PPTC7: variants seen among roughly 807,000 people sequenced by gnomAD.
PPTC7 encodes protein phosphatase PTC7 homolog.
In PPTC7, 6 loss-of-function variants were observed where a neutral mutation model predicts 30.8. That is an observed-to-expected ratio of 0.19 (90% CI 0.11 to 0.38). The LOEUF is 0.38. Ranked by LOEUF, PPTC7 falls within the 10% of genes least tolerant of loss-of-function variation. The pLI is 1.00. For missense variants in PPTC7, 218 were observed against 404.8 expected (o/e 0.54, Z 3.96); for synonymous variants, 163 against 168.1 (o/e 0.97, Z 0.23).
rs1469454573 is a variant in PPTC7, at chr12:110,534,049, T to G, written c.*2988A>C. Reference sequence around the variant, plus strand: ...AGCAAGTACAGTAACTCAGGACAAATAACTTGTTCCCCCTGCATCCCATTT... The same window carrying G: ...AGCAAGTACAGTAACTCAGGACAAAGAACTTGTTCCCCCTGCATCCCATTT... On this transcript the variant is annotated 3_prime_UTR_variant, in exon 6 of 6. Coordinates refer to ENST00000354300, the MANE Select transcript of PPTC7 (RefSeq NM_139283.2). The G allele has an allele frequency of 6.6e-6, 1 of 152,074 alleles. No individual in the cohort carries two copies. The highest frequency in any genetic ancestry group is 2.4e-5 in the African/African-American group (1 of 41,406). The allele number at this position is 152,074 out of a possible 1,614,324, so 9.4% of individuals were successfully genotyped here. A position where few individuals can be genotyped will look rare whatever the true frequency, so the allele number is the denominator to read the frequency against.
intron 2 of PPTC7, among the ~76,000 whole-genome samples, chr12:110,548,221 T>G (rs1168797190): frequency 1.3e-5 from 2 of 152,084 alleles, no homozygotes; most frequent in African/African-American, 4.8e-5. Flanking sequence ...TATGCACACA[T>G]ACACACAGAA....
At chr12:110,551,068 C>T (rs2064346561) in intron 2 of PPTC7, among the ~76,000 whole-genome samples, 1 of 152,154 alleles carries the variant, frequency 6.6e-6, no homozygotes, top group Admixed American at 6.6e-5. Context: ...GAACATGCAG[C>T]TTTAAGTCGT....
chr12:110,565,446 G>A (rs941218312), intron 1 of PPTC7, among the ~76,000 whole-genome samples: 1 of 151,926 alleles, frequency 6.6e-6, no homozygotes, highest in Non-Finnish European at 1.5e-5. Flanking sequence ...AGTAGAGACG[G>A]GGTTTCACCA....
intron 1 of PPTC7, among the ~76,000 whole-genome samples, chr12:110,557,704 G>A (rs1056867836): frequency 1.3e-5 from 2 of 152,228 alleles, no homozygotes; most frequent in African/African-American, 4.8e-5. Context: ...GTTAGGTAAT[G>A]TGGGTATATT....
rs372457613 is a variant in PPTC7, at chr12:110,554,811, T to C, written c.224-2843A>G. Among the ~76,000 whole-genome samples the C allele has an allele frequency of 1.8e-4, 27 of 152,318 alleles. No homozygotes were observed. The South Asian group carries it at 5.4e-3, about 30-fold the overall frequency. On this transcript the variant is annotated intron_variant, in intron 1 of 5. Coordinates refer to ENST00000354300, the MANE Select transcript of PPTC7 (RefSeq NM_139283.2). Reference sequence around the variant, plus strand: ...TACATTATTAAGGCTTTAAATGGCCTTTCTGGAAGGATCCATAAGAAATAT... The same window carrying C: ...TACATTATTAAGGCTTTAAATGGCCCTTCTGGAAGGATCCATAAGAAATAT...
intron 3 of PPTC7, among the ~76,000 whole-genome samples, chr12:110,540,680 A>G (rs980242889): frequency 6.6e-6 from 1 of 151,114 alleles, no homozygotes; most frequent in Admixed American, 6.6e-5. Flanking sequence ...TCTTATTCAC[A>G]TATTTCACTC....
chr12:110,573,387 T>G (rs2064556270), intron 1 of PPTC7, among the ~76,000 whole-genome samples: 1 of 152,212 alleles, frequency 6.6e-6, no homozygotes, highest in South Asian at 2.1e-4. Flanking sequence ...CAGGAGAATA[T>G]GATGCAGTTA....
intron 1 of PPTC7, among the ~76,000 whole-genome samples, chr12:110,569,987 A>G (rs1369995273): frequency 1.3e-5 from 2 of 152,234 alleles, no homozygotes; most frequent in Non-Finnish European, 2.9e-5. Flanking sequence ...GGCCAAGCAC[A>G]AGATCCTGGA....
intron 4 of PPTC7, 52 bp downstream of exon 4, chr12:110,539,770 A>G (rs1291880171): frequency 1.3e-6 from 2 of 1,570,116 alleles, no homozygotes; most frequent in African/African-American, 2.7e-5. Flanking sequence ...CATAAAACTC[A>G]GCTATCCAGA....
In PPTC7 at chr12:110,564,770, G is replaced by A. The variant is rs117897844; in HGVS notation, c.224-12802C>T. Among the ~76,000 whole-genome samples, 34 of 145,102 alleles carry A rather than the reference G, an allele frequency of 2.3e-4. 1 individual carries two copies. In the East Asian group the frequency reaches 5.3e-3, roughly 23 times the overall value. ...AATTTATATACACATATATATACAC[G>A]TATATATATACATACACGTTATATA... On this transcript the variant is annotated intron_variant, in intron 1 of 5. Coordinates refer to ENST00000354300, the MANE Select transcript of PPTC7 (RefSeq NM_139283.2).
At chr12:110,559,751 GA>G (rs1312350439) in intron 1 of PPTC7, among the ~76,000 whole-genome samples, 1 of 137,258 alleles carries the variant, frequency 7.3e-6, no homozygotes, top group Admixed American at 7.2e-5. Flanking sequence ...AAAAAAAAAA[GA>G]AATGGGGTCT....
chr12:110,564,446 G>A (rs2064463130), intron 1 of PPTC7, among the ~76,000 whole-genome samples: 1 of 152,286 alleles, frequency 6.6e-6, no homozygotes, highest in South Asian at 2.1e-4. Context: ...TTAGGCTGGG[G>A]AGAAGATTTT....
chr12:110,571,677 A>C, intron 1 of PPTC7, among the ~76,000 whole-genome samples: 1 of 152,224 alleles, frequency 6.6e-6, no homozygotes. Context: ...ATGAATGTAC[A>C]GGAAAAAACA....
At chr12:110,566,868 G>A (rs2064488380) in intron 1 of PPTC7, among the ~76,000 whole-genome samples, 1 of 152,036 alleles carries the variant, frequency 6.6e-6, no homozygotes, top group Non-Finnish European at 1.5e-5. Flanking sequence ...ACATATATTT[G>A]TCTCCAAAAA....
chr12:110,547,833 G>A (rs1252596852), intron 2 of PPTC7, among the ~76,000 whole-genome samples: 1 of 152,120 alleles, frequency 6.6e-6, no homozygotes, highest in Non-Finnish European at 1.5e-5. Flanking sequence ...GTTCAGGCGT[G>A]GTGGGTCATG....
At position 110,536,240 on chromosome 12, in the gene PPTC7, G is replaced by A. The variant is rs1593139641; in HGVS notation, c.*797C>T. 6.6e-6 allele frequency: 1 copy of A among 152,122 alleles called. No individual in the cohort carries two copies. The allele number at this position is 152,122 out of a possible 1,614,324, so 9.4% of individuals were successfully genotyped here. On this transcript the variant is annotated 3_prime_UTR_variant, in exon 6 of 6. Transcript: ENST00000354300. ...ACAATTAAATTTCTAGGCTTTGAGG[G>A]GTTTTACAACCTTGAGTATTATTTC... is the stretch of plus-strand genomic sequence containing the variant.
At chr12:110,561,268 C>T (rs1426025195) in intron 1 of PPTC7, among the ~76,000 whole-genome samples, 1 of 152,154 alleles carries the variant, frequency 6.6e-6, no homozygotes, top group Non-Finnish European at 1.5e-5. Context: ...AACTCAATTT[C>T]CTATCCAATG....
chr12:110,551,627 G>A (rs774587639), intron 2 of PPTC7, among the ~76,000 whole-genome samples, 162 bp downstream of exon 2: 6 of 152,186 alleles, frequency 3.9e-5, no homozygotes, highest in African/African-American at 7.2e-5. Flanking sequence ...GATTACAGGC[G>A]TGAGCCACTG....
At chr12:110,580,062 G>C (rs2064624318) in intron 1 of PPTC7, among the ~76,000 whole-genome samples, 1 of 150,858 alleles carries the variant, frequency 6.6e-6, no homozygotes, top group Non-Finnish European at 1.5e-5. Context: ...AAAAGAAAAT[G>C]TGATATGATG....
Sources: allele counts gnomAD v4.1 joint callset (sites outside exome capture counted in the v4.1 genomes callset), GRCh38; gene constraint gnomAD v4.1.1; transcripts MANE v1.5; gene names NCBI Gene and HGNC (gene_info 2026-07-23, HGNC 2026-07-21).